ARSH: variants seen among roughly 807,000 people sequenced by gnomAD.
ARSH encodes arylsulfatase family member H, also known as arylsulfatase H.
ARSH carries 32 observed loss-of-function variants against 28.7 expected under a neutral mutation model. The observed-to-expected ratio is 1.11, with a 90% CI of 0.84 to 1.50. The LOEUF (loss-of-function observed/expected upper bound fraction) is 1.50, where lower values mean the gene tolerates loss of function less well. Among genes scored for constraint, ARSH ranks in the 40% most tolerant of loss-of-function variants. The probability of loss-of-function intolerance (pLI) is 0.00; values close to 1 mark genes in which losing one functional copy is unlikely to be tolerated. For synonymous variants in ARSH, 176 were observed against 177.3 expected (o/e 0.99, Z 0.06); for missense variants, 440 against 452.4 (o/e 0.97, Z 0.25).
intron 1 of ARSH, among the ~76,000 whole-genome samples, chrX:3,007,889 G>C (rs1483584817): frequency 9.0e-6 from 1 of 111,439 alleles, no homozygotes; most frequent in Non-Finnish European, 1.9e-5. Context: ...CCCTCTGTGT[G>C]TGTCTGTGTC....
intron 3 of ARSH, 100 bp from the exon 4 acceptor site, chrX:3,014,868 GAA>G: frequency 1.1e-5 from 9 of 816,683 alleles, no homozygotes; most frequent in South Asian, 2.6e-5. Context: ...ACAACAGAAT[GAA>G]AGTTATATTT....
chrX:3,027,266 G>A, intron 6 of ARSH, 47 bp from the exon 7 acceptor site: 1 of 1,194,717 alleles, frequency 8.4e-7, no homozygotes, highest in Non-Finnish European at 1.1e-6. Flanking sequence ...GGCCAATATG[G>A]TTGGGTTTTA....
At chrX:3,027,568 G>A in intron 7 of ARSH, 93 bp downstream of exon 7, 1 of 914,473 alleles carries the variant, frequency 1.1e-6, no homozygotes, top group Non-Finnish European at 1.5e-6. Context: ...TATGTACATA[G>A]TATATTACTT....
At chrX:3,015,745 TTGGGTGCTC>T (rs1350389969) in intron 4 of ARSH, among the ~76,000 whole-genome samples, 1 of 110,155 alleles carries the variant, frequency 9.1e-6, no homozygotes, top group Non-Finnish European at 1.9e-5. Flanking sequence ...AGACTACCTA[TTGGGTGCTC>T]TGCTTACCCC....
intron 4 of ARSH, among the ~76,000 whole-genome samples, chrX:3,017,185 A>G (rs1322726185): frequency 9.0e-6 from 1 of 111,381 alleles, no homozygotes; most frequent in Non-Finnish European, 1.9e-5. Flanking sequence ...GAATATATTC[A>G]ATCTCCATCT....
chrX:3,024,923 CA>C (rs1358355124), intron 6 of ARSH, among the ~76,000 whole-genome samples: 1 of 110,259 alleles, frequency 9.1e-6, no homozygotes, highest in Non-Finnish European at 1.9e-5. Context: ...CCAAGTAAAA[CA>C]AAAAAACTAA....
chrX:3,027,291 G>A, intron 6 of ARSH, 22 bp from the exon 7 acceptor site: 2 of 1,208,018 alleles, frequency 1.7e-6, no homozygotes, highest in Non-Finnish European at 2.2e-6. Context: ...ATCTTTGGTT[G>A]TGTCGTAATC....
chrX:3,010,078 G>A lies in ARSH; in HGVS notation c.141G>A (p.Gln47=), dbSNP rs765592325. The A allele has an allele frequency of 7.4e-6, 9 of 1,209,324 alleles. No homozygotes were observed. In the African/African-American group the frequency reaches 1.6e-4, roughly 21 times the overall value. The change falls in exon 2 of 9, where the codon CAG becomes CAA. Residue 47 remains glutamine, a synonymous_variant. Coordinates refer to ENST00000381130, the MANE Select transcript of ARSH (RefSeq NM_001011719.2). ...RLASEGVRLT[Q]HLAAASMCTP... is the part of the protein sequence containing the mutation. Reference sequence around the variant, plus strand: ...CAAGTGAAGGAGTGAGGCTTACCCAGCATCTCGCAGCTGCTTCCATGTGCA... The same window carrying A: ...CAAGTGAAGGAGTGAGGCTTACCCAACATCTCGCAGCTGCTTCCATGTGCA...
intron 5 of ARSH, among the ~76,000 whole-genome samples, chrX:3,022,748 T>C (rs1404161479): frequency 8.9e-6 from 1 of 111,796 alleles, no homozygotes; most frequent in Non-Finnish European, 1.9e-5. Context: ...CATTAGATCT[T>C]AACCATAACC....
At chrX:3,027,064 T>A (rs915848763) in intron 6 of ARSH, among the ~76,000 whole-genome samples, 1 of 110,446 alleles carries the variant, frequency 9.1e-6, no homozygotes, top group African/African-American at 3.3e-5. Flanking sequence ...TTTAAGCGAT[T>A]CTCCTGCCTC....
At chrX:3,008,356 A>G (rs1173656752) in intron 1 of ARSH, among the ~76,000 whole-genome samples, 1 of 111,526 alleles carries the variant, frequency 9.0e-6, no homozygotes, top group Non-Finnish European at 1.9e-5. Context: ...GGATTTAAAT[A>G]ACATTGTTTC....
At chrX:3,010,302 A>G in intron 2 of ARSH, 151 bp downstream of exon 2, 1 of 718,093 alleles carries the variant, frequency 1.4e-6, no homozygotes, top group Non-Finnish European at 2.0e-6. Context: ...GGCAGCTTAA[A>G]TATGTGTGCC....
intron 7 of ARSH, among the ~76,000 whole-genome samples, chrX:3,028,470 A>T (rs2089904723): frequency 9.1e-6 from 1 of 110,020 alleles, no homozygotes. Context: ...CGGCCTCCCA[A>T]AGTGCTGGGA....
At chrX:3,012,056 C>T (rs759005009) in intron 2 of ARSH, among the ~76,000 whole-genome samples, 3 of 111,350 alleles carry the variant, frequency 2.7e-5, no homozygotes, top group East Asian at 2.8e-4. Flanking sequence ...TTAGCCAGGC[C>T]GGTCTCCTGA....
At position 3,015,192 on chromosome X, in the gene ARSH, G is replaced by T. The variant is rs142811205; in HGVS notation, c.563G>T (p.Arg188Leu). ...PFLLLIPKFA[R>L]WFSVPWKVIF... is the part of the protein sequence containing the mutation. ...CTGCTTCTCATTCCCAAGTTCGCCC[G>T]CTGGTTCTCAGTGCCATGGAAGGTC... Residue 188 changes from arginine to leucine, a missense_variant, in exon 4 of 9, where the codon CGC (arginine) becomes CTC (leucine). Arg to Leu is a moderately radical substitution (Grantham distance 102). Transcript: ENST00000381130. The T allele has an allele frequency of 8.3e-7, 1 of 1,209,959 alleles. No individual in the cohort carries two copies. Among genetic ancestry groups the T allele is most frequent in the South Asian group, 1.8e-5 (1 of 56,610 alleles).
intron 8 of ARSH, among the ~76,000 whole-genome samples, chrX:3,030,771 C>G (rs1254673614): frequency 9.0e-6 from 1 of 111,246 alleles, no homozygotes; most frequent in Non-Finnish European, 1.9e-5. Context: ...AGGGTGGGGA[C>G]AGAGCCAAAC....
intron 3 of ARSH, among the ~76,000 whole-genome samples, chrX:3,014,137 C>T (rs1470517525): frequency 4.5e-5 from 5 of 111,006 alleles, no homozygotes; most frequent in East Asian, 2.8e-4. Flanking sequence ...CATGGTGGCA[C>T]GCACCTATAG....
intron 8 of ARSH, among the ~76,000 whole-genome samples, chrX:3,029,711 A>T (rs2089908665): frequency 9.2e-6 from 1 of 109,105 alleles, no homozygotes; most frequent in Non-Finnish European, 1.9e-5. Flanking sequence ...TTGTATTTTT[A>T]GTAGAGATGG....
rs182727742 is a variant in ARSH at position 3,008,207 on chromosome X, C to A, written c.92+1503C>A. The stretch of plus-strand genomic sequence containing the variant: ...TGAATACTTTTTCATTATATACATA[C>A]ACCACATTAGTCTACAGTTTTAAAA... On this transcript the variant is annotated intron_variant, in intron 1 of 8. Transcript: ENST00000381130. 3.6e-5 allele frequency among the ~76,000 whole-genome samples: 4 copies of A among 112,121 alleles called. No homozygotes were observed. The Admixed American group carries it at 3.8e-4, about 11-fold the overall frequency.
Sources: gnomAD v4.1 joint callset for allele counts (sites outside exome capture counted in the v4.1 genomes callset) on GRCh38, gnomAD v4.1.1 for gene constraint, MANE v1.5 for transcripts, NCBI Gene and HGNC (gene_info 2026-07-23, HGNC 2026-07-21) for gene names.